RPGR: variants seen among roughly 807,000 people sequenced by gnomAD.
RPGR encodes the protein retinitis pigmentosa GTPase regulator.
In RPGR, 10 loss-of-function variants were observed where a neutral mutation model predicts 56.3. The observed-to-expected ratio is 0.18, with a 90% CI of 0.11 to 0.30. The LOEUF is 0.30. RPGR is among the 10% of genes least tolerant of loss of function. RPGR has a pLI of 1.00. For synonymous variants in RPGR, 197 were observed against 212.9 expected, an observed-to-expected ratio of 0.93 and a Z score of 0.65; for missense variants, 538 against 590.9, an observed-to-expected ratio of 0.91 and a Z score of 0.93.
At chrX:38,301,917 C>A (rs1285124872) in intron 8 of RPGR, among the ~76,000 whole-genome samples, 1 of 111,327 alleles carries the variant, frequency 9.0e-6, no homozygotes, top group Non-Finnish European at 1.9e-5. Flanking sequence ...CAGTCATGAC[C>A]ATTAAAAAAT....
At chrX:38,287,840 C>T (rs201749484) in intron 14 of RPGR, 21 bp downstream of exon 14, 55 of 1,199,055 alleles carry the variant, frequency 4.6e-5, no homozygotes, top group Non-Finnish European at 6.1e-5. Context: ...GCCTGAGGTC[C>T]CACCTGGCCT....
intron 18 of RPGR, among the ~76,000 whole-genome samples, chrX:38,272,123 C>T (rs2066851526): frequency 9.1e-6 from 1 of 110,068 alleles, no homozygotes; most frequent in Admixed American, 9.7e-5. Context: ...ACATAGAAAA[C>T]AAGAAGGTGA....
At chrX:38,301,431 A>G in intron 8 of RPGR, 60 bp from the exon 9 acceptor site, 1 of 1,006,321 alleles carries the variant, frequency 9.9e-7, no homozygotes, top group South Asian at 2.0e-5. Context: ...ATCTATTTGT[A>G]AACAGATAAA....
At chrX:38,301,435 A>C in intron 8 of RPGR, 64 bp from the exon 9 acceptor site, 1 of 1,009,853 alleles carries the variant, frequency 9.9e-7, no homozygotes, top group Non-Finnish European at 1.4e-6. Flanking sequence ...ATTTGTAAAC[A>C]GATAAACATG....
chrX:38,303,691 C>T, intron 8 of RPGR: 1 of 295,644 alleles, frequency 3.4e-6, no homozygotes, highest in Admixed American at 6.1e-5. Flanking sequence ...GGCAGGTCAT[C>T]TTCTCTGAAA....
At position 38,283,870 on chromosome X, in the gene RPGR, T is replaced by C. The variant is rs180688142; in HGVS notation, c.1905+3224A>G. On this transcript the variant is annotated intron_variant, in intron 15 of 18. Coordinates refer to ENST00000642395, the MANE Select transcript of RPGR (RefSeq NM_000328.3). ...TGTCATCCATCTTAATTATTTTAAA[T>C]CTACTTTTTAAATAATCATGTTCGG... Among the ~76,000 whole-genome samples, 1,033 of 111,907 alleles carry C rather than the reference T, an allele frequency of 9.2e-3. 7 individuals carry two copies. Among genetic ancestry groups the C allele is most frequent in the Non-Finnish European group, 0.014 (769 of 53,140 alleles).
At chrX:38,291,147 A>ATAT in intron 12 of RPGR, 123 bp from the exon 13 acceptor site, 1 of 189,436 alleles carries the variant, frequency 5.3e-6, no homozygotes, top group Non-Finnish European at 9.5e-6. Context: ...ATATATATAT[A>ATAT]AAATGAAGGG....
chrX:38,279,025 T>C, intron 15 of RPGR: 1 of 252,472 alleles, frequency 4.0e-6, no homozygotes, highest in Non-Finnish European at 7.4e-6. Context: ...CTTTTGGAAC[T>C]ATATCATTTT....
rs775606145 is a variant in RPGR at position 38,273,940 on chromosome X, A to C, written c.2150-463T>G. On this transcript the variant is annotated intron_variant, in intron 17 of 18. Coordinates refer to ENST00000642395, the MANE Select transcript of RPGR (RefSeq NM_000328.3). Reference sequence around the variant, plus strand: ...ATCAACTACTTTTAAGCTTATATTTAATTTCTTTGTAGTGCTTTAGGCTAT... The same window carrying C: ...ATCAACTACTTTTAAGCTTATATTTCATTTCTTTGTAGTGCTTTAGGCTAT... The C allele has an allele frequency of 2.6e-5, 3 of 114,490 alleles. 1 individual carries two copies. In the South Asian group the frequency reaches 1.1e-3, roughly 40 times the overall value. 9.4% of individuals were successfully genotyped at this position (114,490 alleles called of 1,213,427 possible).
chrX:38,298,269 CAAA>C (rs10719444), intron 10 of RPGR: 105 of 188,224 alleles, frequency 5.6e-4, no homozygotes, highest in Middle Eastern at 1.8e-3. Flanking sequence ...GACTCTGTCT[CAAA>C]AAAAAAAAAA....
At chrX:38,313,633 T>G (rs1242691545) in intron 6 of RPGR, among the ~76,000 whole-genome samples, 1 of 111,479 alleles carries the variant, frequency 9.0e-6, no homozygotes, top group Non-Finnish European at 1.9e-5. Flanking sequence ...AAGACTGGAG[T>G]TCGAATTCTG....
intron 4 of RPGR, among the ~76,000 whole-genome samples, chrX:38,319,862 G>A (rs745627743): frequency 2.7e-5 from 3 of 112,351 alleles, no homozygotes; most frequent in African/African-American, 6.5e-5. Flanking sequence ...TGAAGTTAAA[G>A]CCTTGCTAAA....
intron 11 of RPGR, among the ~76,000 whole-genome samples, chrX:38,294,690 A>C (rs954209790): frequency 8.9e-6 from 1 of 111,946 alleles, no homozygotes; most frequent in Non-Finnish European, 1.9e-5. Flanking sequence ...TTAGTTCTTA[A>C]ATTTCTTCCT....
intron 18 of RPGR, chrX:38,272,713 A>G (rs1237759370): frequency 1.8e-5 from 2 of 112,235 alleles, no homozygotes; most frequent in Non-Finnish European, 3.8e-5. Flanking sequence ...CAATTATACT[A>G]AAGCAAAATT....
At chrX:38,287,539 T>G (rs2067209196) in intron 14 of RPGR, 1 of 507,717 alleles carries the variant, frequency 2.0e-6, no homozygotes, top group Admixed American at 2.7e-5. Flanking sequence ...TTCCCTTTTC[T>G]TAACAAAATC....
chrX:38,292,311 T>C (rs774264313), intron 11 of RPGR, among the ~76,000 whole-genome samples: 1 of 112,741 alleles, frequency 8.9e-6, no homozygotes, highest in African/African-American at 3.2e-5. Flanking sequence ...ATTTTTTAAA[T>C]GTAGCAACAG....
Position 38,287,192 on chromosome X carries a change from C to G in RPGR, c.1807G>C (p.Glu603Gln). 8.3e-7 allele frequency: 1 copy of G among 1,211,030 alleles called. No individual in the cohort carries two copies. The highest frequency in any genetic ancestry group is 1.7e-5 in the African/African-American group (1 of 57,733). Residue 603 changes from glutamate to glutamine, a missense_variant, in exon 15 of 19, where the codon GAG becomes CAG. Physicochemically the swap from Glu to Gln is conservative, Grantham distance 29 (BLOSUM62 2). This residue lies in a region of RPGR where 357 missense variants were observed against 325.8 expected (regional missense o/e 1.10). Transcript: ENST00000642395. ...TCCTCATTTGCTTCTACCTCTTGCT[C>G]CTCTATTCCATTTCCTTTTGAATCC...
Position 38,314,126 on chromosome X carries a change from T to G in RPGR, c.619+3190A>C, listed in dbSNP as rs765917078. 4.5e-5 allele frequency among the ~76,000 whole-genome samples: 5 copies of G among 111,434 alleles called. 1 individual carries two copies. The Admixed American group carries it at 4.8e-4, about 11-fold the overall frequency. On this transcript the variant is annotated intron_variant, in intron 6 of 18. Transcript: ENST00000642395. ...GTTTACAATTTGTGATGGGCGGCAT[T>G]CTAAGCCATCCTAGGCTGCGGGTTG...
chrX:38,313,359 C>T (rs955123653), intron 6 of RPGR, among the ~76,000 whole-genome samples: 2 of 112,308 alleles, frequency 1.8e-5, no homozygotes, highest in African/African-American at 3.2e-5. Flanking sequence ...GCTACAGAGT[C>T]AGACTGCCTT....
Sources: gnomAD v4.1 joint callset for allele counts (sites outside exome capture counted in the v4.1 genomes callset) on GRCh38, gnomAD v4.1.1 for gene constraint, gnomAD v4.1.1 regional missense constraint, MANE v1.5 for transcripts, NCBI Gene and HGNC (gene_info 2026-07-23, HGNC 2026-07-21) for gene names.